The following FAM117A variants were observed in gnomAD, a reference collection of about 807,000 sequenced individuals.
FAM117A encodes protein FAM117A.
FAM117A carries 21 observed loss-of-function variants against 44.1 expected under a neutral mutation model. The ratio of observed to expected loss-of-function variants is 0.48; its 90% CI spans 0.34 to 0.69. FAM117A has a LOEUF of 0.69. Among genes scored for constraint, FAM117A ranks in the 30% least tolerant of loss-of-function variants. The probability of loss-of-function intolerance (pLI) is 0.01; values close to 1 mark genes in which losing one functional copy is unlikely to be tolerated. For missense variants in FAM117A, 498 were observed against 589.9 expected, an observed-to-expected ratio of 0.84 and a Z score of 1.61; for synonymous variants, 220 against 238.3, an observed-to-expected ratio of 0.92 and a Z score of 0.71.
At chr17:49,741,581 G>C (rs1417581091) in intron 1 of FAM117A, among the ~76,000 whole-genome samples, 1 of 152,134 alleles carries the variant, frequency 6.6e-6, no homozygotes, top group Non-Finnish European at 1.5e-5. Context: ...AGAGCAGTGT[G>C]GTTAGACACA....
At chr17:49,763,548 A>ACTCCTCCTCACGCCTCG (rs1334401058) in intron 1 of FAM117A, among the ~76,000 whole-genome samples, 18 of 82,126 alleles carry the variant, frequency 2.2e-4, no homozygotes, top group Non-Finnish European at 2.9e-4. Flanking sequence ...ACCACGCGCC[A>ACTCCTCCTCACGCCTCG]CTCCTCCTCA....
intron 7 of FAM117A, 37 bp downstream of exon 7, chr17:49,716,128 C>A: frequency 1.3e-6 from 2 of 1,506,982 alleles, no homozygotes; most frequent in Non-Finnish European, 9.1e-7. Flanking sequence ...GTAGGCCCAC[C>A]CTCCCCTCCC....
chr17:49,746,904 G>T (rs2073656446), intron 1 of FAM117A, among the ~76,000 whole-genome samples: 1 of 152,152 alleles, frequency 6.6e-6, no homozygotes, highest in South Asian at 2.1e-4. Context: ...TAGATAAAAG[G>T]TTGAATGAGG....
intron 2 of FAM117A, among the ~76,000 whole-genome samples, 185 bp from the exon 3 acceptor site, chr17:49,722,779 A>T (rs1478442283): frequency 6.6e-6 from 1 of 152,048 alleles, no homozygotes; most frequent in African/African-American, 2.4e-5. Flanking sequence ...TTCCCAGTTC[A>T]TGTCCTCCAG....
rs2073548155 is a variant in FAM117A, at chr17:49,724,134, A to G, written c.367-1540T>C. ...GGTTCTACCAGACAAAGCCTCAGAA[A>G]AGGCTGGTGCATGCACTGAAAAGTG... On this transcript the variant is annotated intron_variant, in intron 2 of 7. Coordinates refer to ENST00000240364, the MANE Select transcript of FAM117A (RefSeq NM_030802.4). Among the ~76,000 whole-genome samples the G allele has an allele frequency of 2.0e-5, 3 of 152,104 alleles. No individual in the cohort carries two copies. The South Asian group carries it at 6.2e-4, about 31-fold the overall frequency.
rs1278024487 is a variant in FAM117A at position 49,717,535 on chromosome 17, C to T, written c.888G>A (p.Leu296=). The T allele has an allele frequency of 6.2e-7, 1 of 1,614,076 alleles. No homozygotes were observed. The highest frequency in any genetic ancestry group is 8.5e-7 in the Non-Finnish European group (1 of 1,180,008). Residue 296 remains leucine, a synonymous_variant, in exon 6 of 8, where the codon CTG becomes CTA. Transcript: ENST00000240364. ...HEEHRGAAEE[L]ASTPNDKASS... ...TACCTTTGTCGTTGGGGGTGGATGC[C>T]AGCTCCTCGGCGGCACCCCGATGTT...
chr17:49,712,889 T>C (rs938288234), intron 7 of FAM117A, among the ~76,000 whole-genome samples: 3 of 152,074 alleles, frequency 2.0e-5, no homozygotes, highest in Non-Finnish European at 4.4e-5. Flanking sequence ...TTTTTAATTG[T>C]TTTTAGAGAC....
intron 1 of FAM117A, among the ~76,000 whole-genome samples, chr17:49,782,984 T>C (rs987393428): frequency 6.6e-6 from 1 of 152,228 alleles, no homozygotes; most frequent in African/African-American, 2.4e-5. Flanking sequence ...GCAGTCTAAA[T>C]GTCTCAGCCC....
Position 49,760,717 on chromosome 17 carries a change from T to C in FAM117A, c.196+3175A>G, listed in dbSNP as rs150741210. 8.7e-3 allele frequency among the ~76,000 whole-genome samples: 1,325 copies of C among 152,296 alleles called. 8 individuals are homozygous for C. The highest frequency in any genetic ancestry group is 0.017 in the Middle Eastern group (5 of 294). On this transcript the variant is annotated intron_variant, in intron 1 of 7. Transcript: ENST00000240364. ...ATACAGACAGACACGCTAAACAAGA[T>C]AGGTAAGACTGGAACCCAGAACAAT... is the stretch of plus-strand genomic sequence containing the variant.
At chr17:49,721,758 G>C (rs1342266814) in intron 3 of FAM117A, among the ~76,000 whole-genome samples, 1 of 152,198 alleles carries the variant, frequency 6.6e-6, no homozygotes, top group African/African-American at 2.4e-5. Flanking sequence ...CCAGGAAAAA[G>C]TGTTTGGGAG....
intron 2 of FAM117A, among the ~76,000 whole-genome samples, chr17:49,724,856 A>G (rs987852565): frequency 4.3e-4 from 65 of 151,494 alleles, no homozygotes; most frequent in Middle Eastern, 3.4e-3. Context: ...AAGAAAAAAG[A>G]AAAAAAAGAA....
At chr17:49,743,230 C>T (rs1221389940) in intron 1 of FAM117A, among the ~76,000 whole-genome samples, 1 of 152,134 alleles carries the variant, frequency 6.6e-6, no homozygotes, top group Non-Finnish European at 1.5e-5. Flanking sequence ...GATGATCACA[C>T]CTGGGTCTCA....
At chr17:49,724,649 A>G (rs919062258) in intron 2 of FAM117A, 3 of 359,826 alleles carry the variant, frequency 8.3e-6, no homozygotes, top group African/African-American at 2.1e-5. Context: ...CCTGGCAAAC[A>G]TGGTGAAACC....
At chr17:49,748,937 C>T (rs1471984446) in intron 1 of FAM117A, among the ~76,000 whole-genome samples, 4 of 152,180 alleles carry the variant, frequency 2.6e-5, no homozygotes, top group African/African-American at 9.7e-5. Flanking sequence ...ACCTCTAGCT[C>T]TGTCTGCTTA....
intron 1 of FAM117A, among the ~76,000 whole-genome samples, chr17:49,785,209 C>T (rs561771516): frequency 6.6e-6 from 1 of 152,280 alleles, no homozygotes; most frequent in African/African-American, 2.4e-5. Context: ...AACTGAGACA[C>T]AAACAAATTT....
chr17:49,782,709 A>AAC (rs1485115838), intron 1 of FAM117A, among the ~76,000 whole-genome samples: 18 of 151,960 alleles, frequency 1.2e-4, no homozygotes, highest in African/African-American at 4.3e-4. Context: ...AAAAAAAAAA[A>AAC]AACCCTTTGT....
chr17:49,788,804 A>C (rs1482281838), upstream of FAM117A: 8 of 1,580,088 alleles, frequency 5.1e-6, no homozygotes, highest in Non-Finnish European at 6.9e-6. Context: ...CCGCTGCCCG[A>C]ATCGGAACCG....
chr17:49,772,319 C>A (rs1416417562), intron 1 of FAM117A, among the ~76,000 whole-genome samples: 2 of 151,692 alleles, frequency 1.3e-5, no homozygotes, highest in East Asian at 3.9e-4. Context: ...CATCAAAATC[C>A]AGTTCAAGCT....
Position 49,739,297 on chromosome 17 carries a change from A to G in FAM117A, c.197-6577T>C, listed in dbSNP as rs552072130. Among the ~76,000 whole-genome samples, 4 of 152,294 alleles carry G rather than the reference A, an allele frequency of 2.6e-5. No individual in the cohort carries two copies. The South Asian group carries it at 8.3e-4, about 32-fold the overall frequency. On this transcript the variant is annotated intron_variant, in intron 1 of 7. Transcript: ENST00000240364. ...AGTAAGCCCTAGCCCCTCTATCCGT[A>G]GGCCTACACTCTCCTGGGCCCCTGG...
Sources: allele counts gnomAD v4.1 joint callset (sites outside exome capture counted in the v4.1 genomes callset), GRCh38; gene constraint gnomAD v4.1.1; transcripts MANE v1.5; gene names NCBI Gene and HGNC (gene_info 2026-07-23, HGNC 2026-07-21).